The following MECOM variants were observed in gnomAD, a reference collection of about 807,000 sequenced individuals.
The protein encoded by MECOM is MDS1 and EVI1 complex locus.
Under a neutral mutation model 116.3 loss-of-function variants are expected in MECOM, and 13 were observed. The observed-to-expected ratio is 0.11, with a 90% confidence interval of 0.07 to 0.18. The LOEUF (loss-of-function observed/expected upper bound fraction) is 0.18. Ranked by LOEUF, MECOM falls within the 10% of genes least tolerant of loss-of-function variation. The probability of loss-of-function intolerance (pLI) is 1.00; values close to 1 mark genes in which losing one functional copy is unlikely to be tolerated. For missense variants in MECOM, 1,299 were observed against 1,509.0 expected, an observed-to-expected ratio of 0.86 and a Z score of 2.31; for synonymous variants, 528 against 535.2, an observed-to-expected ratio of 0.99 and a Z score of 0.19.
chr3:169,370,471 AT>A (rs887469169), intron 2 of MECOM, among the ~76,000 whole-genome samples: 10 of 151,798 alleles, frequency 6.6e-5, no homozygotes, highest in Non-Finnish European at 1.0e-4. Flanking sequence ...CTTGGCAATA[AT>A]TTTTTTTAAT....
At chr3:169,319,580 A>T (rs2149748248) in intron 2 of MECOM, among the ~76,000 whole-genome samples, 1 of 151,794 alleles carries the variant, frequency 6.6e-6, no homozygotes, top group Non-Finnish European at 1.5e-5. Context: ...TCAGCACACC[A>T]CTCTTTAGTG....
rs1740186377 is a variant in MECOM, at chr3:169,147,246, G to A, written c.376-3414C>T. 1.1e-5 allele frequency: 11 copies of A among 985,472 alleles called. No individual in the cohort carries two copies. In the South Asian group the frequency reaches 5.2e-4, roughly 46 times the overall value. 61.0% of individuals were successfully genotyped at this position (985,472 alleles called of 1,614,324 possible). ...AGCAGGAGGAGGAGAGTTTGAAAAG[G>A]TGGGGGGCCTGGGGAGGCGAGGGGA... is the stretch of plus-strand genomic sequence containing the variant. On this transcript the variant is annotated intron_variant, in intron 2 of 16. Coordinates refer to ENST00000651503, the MANE Select transcript of MECOM (RefSeq NM_004991.4).
intron 2 of MECOM, among the ~76,000 whole-genome samples, chr3:169,178,053 G>A (rs1252065439): frequency 6.6e-6 from 1 of 152,160 alleles, no homozygotes; most frequent in Non-Finnish European, 1.5e-5. Flanking sequence ...TACATTTCAG[G>A]AGGCTACAGA....
chr3:169,306,509 C>G (rs1717724235), intron 2 of MECOM, among the ~76,000 whole-genome samples: 1 of 152,174 alleles, frequency 6.6e-6, no homozygotes, highest in Non-Finnish European at 1.5e-5. Context: ...TGGGGAAACC[C>G]TGTCTCTACA....
intron 2 of MECOM, among the ~76,000 whole-genome samples, chr3:169,273,028 A>G (rs938495029): frequency 7.9e-5 from 12 of 152,152 alleles, no homozygotes; most frequent in Non-Finnish European, 1.3e-4. Flanking sequence ...TACCTCCTCC[A>G]AACACAGAAA....
intron 1 of MECOM, among the ~76,000 whole-genome samples, chr3:169,524,211 T>A (rs1757714859): frequency 6.6e-6 from 1 of 152,072 alleles, no homozygotes; most frequent in Admixed American, 6.6e-5. Flanking sequence ...GAAACTAAAC[T>A]TTTTAATGTG....
intron 12 of MECOM, among the ~76,000 whole-genome samples, chr3:169,097,365 A>G (rs1225548076): frequency 3.9e-5 from 6 of 152,094 alleles, no homozygotes; most frequent in Non-Finnish European, 1.5e-5. Context: ...TAAATAAAAA[A>G]ATCACTTCCT....
chr3:169,580,329 C>T (rs1440707827), intron 1 of MECOM, among the ~76,000 whole-genome samples: 1 of 152,114 alleles, frequency 6.6e-6, no homozygotes, highest in Non-Finnish European at 1.5e-5. Flanking sequence ...ATCACCCGAG[C>T]AGGGTACGCT....
At chr3:169,294,619 C>A (rs1353680690) in intron 2 of MECOM, among the ~76,000 whole-genome samples, 1 of 152,172 alleles carries the variant, frequency 6.6e-6, no homozygotes, top group East Asian at 1.9e-4. Flanking sequence ...AACAAACAAC[C>A]AAATACAGCT....
At chr3:169,552,453 T>C (rs187248000) in intron 1 of MECOM, among the ~76,000 whole-genome samples, 75 of 152,274 alleles carry the variant, frequency 4.9e-4, no homozygotes, top group African/African-American at 1.6e-3. Flanking sequence ...TACTATACAT[T>C]GGTCACTGTT....
At chr3:169,662,556 C>T (rs1776431252) in intron 1 of MECOM, among the ~76,000 whole-genome samples, 3 of 151,966 alleles carry the variant, frequency 2.0e-5, no homozygotes, top group African/African-American at 7.2e-5. Context: ...GAGCCGGTAG[C>T]TCTGCTCTGC....
chr3:169,341,801 A>G (rs921219756), intron 2 of MECOM, among the ~76,000 whole-genome samples: 6 of 152,034 alleles, frequency 3.9e-5, no homozygotes, highest in Non-Finnish European at 8.8e-5. Flanking sequence ...AGGTGTCTAT[A>G]ATGAACAATA....
intron 2 of MECOM, among the ~76,000 whole-genome samples, chr3:169,279,036 T>A (rs1362395176): frequency 1.3e-5 from 2 of 152,214 alleles, no homozygotes; most frequent in Non-Finnish European, 2.9e-5. Context: ...GCCCCCATCA[T>A]TTGATACAAT....
rs1560197106 is a variant in MECOM, at chr3:169,378,467, AAGC to A, written c.375+2717_375+2719del. The stretch of plus-strand genomic sequence containing the variant: ...AAAGAAAGAAGGAAAGCAAGCAAGC[AAGC>A]AAGCAAGAAAGAGAGAGAGAAAGAA... On this transcript the variant is annotated intron_variant, in intron 2 of 16. Transcript: ENST00000651503. 1.2e-3 allele frequency among the ~76,000 whole-genome samples: 62 copies of A among 50,986 alleles called. 11 individuals are homozygous for A. The highest frequency in any genetic ancestry group is 8.4e-3 in the African/African-American group (61 of 7,238). 33.4% of individuals were successfully genotyped at this position (50,986 alleles called of 152,430 possible). A position where few individuals can be genotyped will look rare whatever the true frequency, so the allele number is the denominator to read the frequency against.
intron 2 of MECOM, among the ~76,000 whole-genome samples, chr3:169,292,799 T>C (rs963726200): frequency 2.0e-5 from 3 of 152,150 alleles, no homozygotes; most frequent in Non-Finnish European, 4.4e-5. Flanking sequence ...TATTGCAGAA[T>C]GTTTGCAGCC....
At chr3:169,214,442 AC>A (rs1181699100) in intron 2 of MECOM, among the ~76,000 whole-genome samples, 13 of 151,394 alleles carry the variant, frequency 8.6e-5, no homozygotes, top group African/African-American at 2.4e-4. Flanking sequence ...AAAAAAAAAA[AC>A]AAACTCATTC....
intron 1 of MECOM, among the ~76,000 whole-genome samples, chr3:169,635,399 G>A (rs1438703061): frequency 6.6e-6 from 1 of 152,126 alleles, no homozygotes; most frequent in African/African-American, 2.4e-5. Context: ...CACACACCCT[G>A]ATGTAGCATT....
At chr3:169,171,776 T>G (rs1203896359) in intron 2 of MECOM, among the ~76,000 whole-genome samples, 2 of 151,968 alleles carry the variant, frequency 1.3e-5, no homozygotes, top group Non-Finnish European at 2.9e-5. Flanking sequence ...ACAGGAAAAC[T>G]GGCCTAGAAG....
intron 1 of MECOM, among the ~76,000 whole-genome samples, chr3:169,497,424 C>A (rs941444856): frequency 2.6e-5 from 4 of 151,778 alleles, no homozygotes; most frequent in African/African-American, 9.7e-5. Context: ...CAGCTCACTG[C>A]AACCTCTGCC....
Sources: allele counts gnomAD v4.1 joint callset (sites outside exome capture counted in the v4.1 genomes callset), GRCh38; gene constraint gnomAD v4.1.1; transcripts MANE v1.5; gene names NCBI Gene and HGNC (gene_info 2026-07-23, HGNC 2026-07-21).